PARD3: variants seen among roughly 807,000 people sequenced by gnomAD.
PARD3 encodes the protein par-3 family cell polarity regulator, also known as partitioning defective 3 homolog.
In PARD3, 75 loss-of-function variants were observed where a neutral mutation model predicts 155.4. The ratio of observed to expected loss-of-function variants is 0.48; its 90% confidence interval spans 0.40 to 0.58. PARD3 has a LOEUF of 0.58. PARD3 is among the 20% of genes least tolerant of loss of function. The probability of loss-of-function intolerance (pLI) is 0.00; values close to 1 mark genes in which losing one functional copy is unlikely to be tolerated. For missense variants in PARD3, 1,642 were observed against 1,721.7 expected (o/e 0.95, Z 0.82); for synonymous variants, 576 against 610.5 (o/e 0.94, Z 0.83).
intron 5 of PARD3, among the ~76,000 whole-genome samples, chr10:34,416,535 A>G (rs1316084151): frequency 1.3e-5 from 2 of 152,188 alleles, no homozygotes; most frequent in African/African-American, 2.4e-5. Context: ...AGCACCTATC[A>G]GGGCCAGGCT....
At chr10:34,625,719 C>T (rs1564432011) in intron 2 of PARD3, among the ~76,000 whole-genome samples, 1 of 151,896 alleles carries the variant, frequency 6.6e-6, no homozygotes, top group Non-Finnish European at 1.5e-5. Context: ...TTGAGACCAG[C>T]CTGACTAACA....
intron 22 of PARD3, among the ~76,000 whole-genome samples, chr10:34,197,589 AGGT>A (rs2133310308): frequency 6.6e-6 from 1 of 152,340 alleles, no homozygotes; most frequent in African/African-American, 2.4e-5. Flanking sequence ...TACTTAGACT[AGGT>A]GTATGCTGCG....
chr10:34,571,248 C>T (rs930390934), intron 2 of PARD3, among the ~76,000 whole-genome samples: 1 of 152,128 alleles, frequency 6.6e-6, no homozygotes, highest in Admixed American at 6.5e-5. Flanking sequence ...CAGGAAGTCA[C>T]AACTGTGGGG....
intron 2 of PARD3, among the ~76,000 whole-genome samples, chr10:34,539,656 G>A (rs533722419): frequency 2.6e-5 from 4 of 152,206 alleles, no homozygotes; most frequent in South Asian, 2.1e-4. Context: ...GCGAGACTCC[G>A]TCTCAAAAAG....
chr10:34,126,324 T>C (rs1333551670), intron 23 of PARD3, among the ~76,000 whole-genome samples: 2 of 152,168 alleles, frequency 1.3e-5, no homozygotes, highest in African/African-American at 4.8e-5. Context: ...TCAAAATAGG[T>C]AGATTGAAAG....
rs147181135 is a variant in PARD3, at chr10:34,809,928, C to T, written c.120+4948G>A. ...AACTATTTTCTTAAAAGTTTCAATA[C>T]GCTTGTAAATGAATAACATGCAGTC... On this transcript the variant is annotated intron_variant, in intron 1 of 24. Coordinates refer to ENST00000374788, the MANE Select transcript of PARD3 (RefSeq NM_001184785.2). Among the ~76,000 whole-genome samples, 477 of 152,210 alleles carry T rather than the reference C, an allele frequency of 3.1e-3. 2 individuals are homozygous for T. Among genetic ancestry groups the T allele is most frequent in the African/African-American group, 0.011 (439 of 41,516 alleles).
rs989706967 is a variant in PARD3 at position 34,114,786 on chromosome 10, G to C, written c.3669-3224C>G. Among the ~76,000 whole-genome samples, 17 of 152,338 alleles carry C rather than the reference G, an allele frequency of 1.1e-4. No individual in the cohort carries two copies. In the East Asian group the frequency reaches 1.9e-3, roughly 17 times the overall value. On this transcript the variant is annotated intron_variant, in intron 24 of 24. Transcript: ENST00000374788. ...TGGCACACTGCTGCAGAGATCAGAC[G>C]GAAGCCCATGTTCTTCCCACTGTCC...
At chr10:34,556,736 C>A (rs2085032430) in intron 2 of PARD3, among the ~76,000 whole-genome samples, 2 of 152,040 alleles carry the variant, frequency 1.3e-5, no homozygotes, top group African/African-American at 4.8e-5. Flanking sequence ...TTTTTTCTGT[C>A]CATGTCTGTT....
rs572715821 is a variant in PARD3, at chr10:34,361,236, C to T, written c.1708-977G>A. Among the ~76,000 whole-genome samples the T allele has an allele frequency of 5.9e-5, 9 of 152,314 alleles. No individual in the cohort carries two copies. In the South Asian group the frequency reaches 1.0e-3, roughly 18 times the overall value. On this transcript the variant is annotated intron_variant, in intron 12 of 24. Coordinates refer to ENST00000374788, the MANE Select transcript of PARD3 (RefSeq NM_001184785.2). The stretch of plus-strand genomic sequence containing the variant: ...TCTTGCTCCAACCACATAACAGACA[C>T]GTGGCACAGGCTCTTCAAGTAAAAA...
At chr10:34,338,652 T>C (rs1489420913) in intron 16 of PARD3, among the ~76,000 whole-genome samples, 4 of 152,208 alleles carry the variant, frequency 2.6e-5, no homozygotes, top group Non-Finnish European at 5.9e-5. Flanking sequence ...AACCTTTGGA[T>C]GTACATCAGA....
intron 5 of PARD3, among the ~76,000 whole-genome samples, chr10:34,424,357 T>C (rs2075476799): frequency 6.6e-6 from 1 of 152,130 alleles, no homozygotes; most frequent in South Asian, 2.1e-4. Context: ...TTGGAAGAAA[T>C]AGGCAACAAG....
intron 14 of PARD3, among the ~76,000 whole-genome samples, chr10:34,351,814 C>T (rs572972438): frequency 6.6e-6 from 1 of 152,358 alleles, no homozygotes; most frequent in African/African-American, 2.4e-5. Flanking sequence ...GAGAAACAGA[C>T]ATTTTGCTTC....
At chr10:34,468,561 C>T (rs950871285) in intron 4 of PARD3, among the ~76,000 whole-genome samples, 1 of 152,158 alleles carries the variant, frequency 6.6e-6, no homozygotes, top group African/African-American at 2.4e-5. Flanking sequence ...TAGTCTACTG[C>T]AAGATAAAGT....
At chr10:34,498,006 T>TC (rs991272367) in intron 3 of PARD3, among the ~76,000 whole-genome samples, 81 of 152,210 alleles carry the variant, frequency 5.3e-4, no homozygotes, top group African/African-American at 1.1e-3. Context: ...AGAAGTGCTT[T>TC]CCCCCCTCTC....
chr10:34,802,359 A>C (rs921917547), intron 1 of PARD3, among the ~76,000 whole-genome samples: 1 of 152,202 alleles, frequency 6.6e-6, no homozygotes, highest in Non-Finnish European at 1.5e-5. Flanking sequence ...AATCAAGCTG[A>C]TTTTGTGAAA....
intron 1 of PARD3, among the ~76,000 whole-genome samples, chr10:34,716,319 T>C (rs1241691117): frequency 6.6e-6 from 1 of 152,196 alleles, no homozygotes; most frequent in Non-Finnish European, 1.5e-5. Flanking sequence ...GCACTGGTAA[T>C]ATTCCCTAGG....
intron 22 of PARD3, among the ~76,000 whole-genome samples, chr10:34,147,113 GAGATT>G (rs1948548822): frequency 6.6e-6 from 1 of 151,326 alleles, no homozygotes; most frequent in African/African-American, 2.4e-5. Flanking sequence ...AAAAACTTTT[GAGATT>G]TTCATGACTC....
intron 14 of PARD3, among the ~76,000 whole-genome samples, chr10:34,352,395 A>T (rs1838195029): frequency 6.6e-6 from 1 of 151,938 alleles, no homozygotes; most frequent in African/African-American, 2.4e-5. Flanking sequence ...TCTGATGCCG[A>T]GCCGAGGCTG....
intron 22 of PARD3, among the ~76,000 whole-genome samples, chr10:34,255,932 G>T (rs1173268812): frequency 6.6e-6 from 1 of 152,062 alleles, no homozygotes; most frequent in East Asian, 1.9e-4. Flanking sequence ...CATTTGAGGG[G>T]AACTTAGAAT....
Sources: allele counts gnomAD v4.1 joint callset (sites outside exome capture counted in the v4.1 genomes callset), GRCh38; gene constraint gnomAD v4.1.1; transcripts MANE v1.5; gene names NCBI Gene and HGNC (gene_info 2026-07-23, HGNC 2026-07-21).